CCT6B: variants seen among roughly 807,000 people sequenced by gnomAD.
CCT6B encodes chaperonin containing TCP1 subunit 6B, also known as probable T-complex protein 1 subunit zeta-2.
CCT6B carries 49 observed loss-of-function variants against 61.5 expected under a neutral mutation model. The ratio of observed to expected loss-of-function variants is 0.80; its 90% CI spans 0.63 to 1.01. CCT6B has a LOEUF of 1.01. CCT6B is among the 50% of genes least tolerant of loss of function. The pLI is 0.00. For synonymous variants in CCT6B, 228 were observed against 214.5 expected, an observed-to-expected ratio of 1.06 and a Z score of -0.55; for missense variants, 666 against 634.7, an observed-to-expected ratio of 1.05 and a Z score of -0.53.
At chr17:34,958,788 A>T (rs549850645) in intron 2 of CCT6B, 94 bp from the exon 3 acceptor site, 7 of 848,926 alleles carry the variant, frequency 8.2e-6, no homozygotes, top group African/African-American at 1.7e-5. Context: ...TAGCAAAATT[A>T]AAAAATGAAA....
chr17:34,935,577 T>G (rs2090084640), intron 10 of CCT6B, among the ~76,000 whole-genome samples: 1 of 152,116 alleles, frequency 6.6e-6, no homozygotes, highest in Non-Finnish European at 1.5e-5. Flanking sequence ...AAACGAGGGC[T>G]GGGTGCAGTG....
In CCT6B at chr17:34,952,064, A is replaced by C; in HGVS notation, c.511-11T>G. On this transcript the variant is annotated splice_polypyrimidine_tract_variant and intron_variant, in intron 4 of 13. Coordinates refer to ENST00000314144, the MANE Select transcript of CCT6B (RefSeq NM_006584.4). ...AGAATCCACCACAACCTGAAAGAGA[A>C]ATGAATGAGAACAGTTAAGTTATTT... is the stretch of plus-strand genomic sequence containing the variant. 2 of 1,500,224 alleles carry C rather than the reference A, an allele frequency of 1.3e-6. No homozygotes were observed. Among genetic ancestry groups the C allele is most frequent in the Non-Finnish European group, 1.9e-6 (2 of 1,078,164 alleles). 92.9% of individuals were successfully genotyped at this position (1,500,224 alleles called of 1,614,324 possible). A position where few individuals can be genotyped will look rare whatever the true frequency, so the allele number is the denominator to read the frequency against.
At chr17:34,959,680 T>C (rs370116952) in intron 1 of CCT6B, 30 bp from the exon 2 acceptor site, 36 of 1,530,562 alleles carry the variant, frequency 2.4e-5, no homozygotes, top group African/African-American at 1.1e-4. Flanking sequence ...ATTAACTTCA[T>C]GTGGTAGGAA....
chr17:34,959,558 G>A (rs2090387950), intron 2 of CCT6B, 29 bp downstream of exon 2: 6 of 1,555,268 alleles, frequency 3.9e-6, no homozygotes, highest in Non-Finnish European at 5.3e-6. Flanking sequence ...GCTTATTAAG[G>A]TTTATTAAAG....
chr17:34,956,117 T>C lies in CCT6B; in HGVS notation c.337-1518A>G, dbSNP rs561038296. Among the ~76,000 whole-genome samples, 5 of 152,310 alleles carry C rather than the reference T, an allele frequency of 3.3e-5. No homozygotes were observed. In the East Asian group the frequency reaches 9.6e-4, roughly 29 times the overall value. On this transcript the variant is annotated intron_variant, in intron 3 of 13. Transcript: ENST00000314144. ...ATGTTTGGTCTGTAATACCACTGGA[T>C]GAAATCTAAGCTTCTTGGTTAGCAT...
intron 5 of CCT6B, among the ~76,000 whole-genome samples, chr17:34,946,824 T>C (rs1255681880): frequency 6.6e-6 from 1 of 152,218 alleles, no homozygotes; most frequent in Non-Finnish European, 1.5e-5. Flanking sequence ...TTATGATTCC[T>C]TATACAAGTA....
rs1342991405 is a variant in CCT6B, at chr17:34,942,771, G to T, written c.725+25C>A. The T allele has an allele frequency of 2.6e-6, 4 of 1,547,086 alleles. No homozygotes were observed. In the East Asian group the frequency reaches 9.0e-5, roughly 35 times the overall value. Reference sequence around the variant, plus strand: ...CACCTTTAGAAAAAAAAATTCAAAAGTTATAAAGAGAAAGTAACACGCACG... The same window carrying T: ...CACCTTTAGAAAAAAAAATTCAAAATTTATAAAGAGAAAGTAACACGCACG... On this transcript the variant is annotated intron_variant, in intron 6 of 13. Transcript: ENST00000314144.
At chr17:34,959,529 T>C (rs2090387400) in intron 2 of CCT6B, 58 bp downstream of exon 2, 1 of 1,206,216 alleles carries the variant, frequency 8.3e-7, no homozygotes, top group Non-Finnish European at 1.2e-6. Context: ...ACACAAGTTC[T>C]ACTATGCTTC....
At position 34,929,604 on chromosome 17, in the gene CCT6B, C is replaced by T. The variant is rs2090012548; in HGVS notation, c.1451-570G>A. On this transcript the variant is annotated intron_variant, in intron 12 of 13. Transcript: ENST00000314144. Reference sequence around the variant, plus strand: ...TCTCGGCTCCCTGCAACCTCCACCTCCTGGGTTCAAGCAATTCTCCTGACT... The same window carrying T: ...TCTCGGCTCCCTGCAACCTCCACCTTCTGGGTTCAAGCAATTCTCCTGACT... Among the ~76,000 whole-genome samples the T allele has an allele frequency of 2.0e-5, 3 of 151,140 alleles. No homozygotes were observed. In the South Asian group the frequency reaches 6.3e-4, roughly 32 times the overall value.
intron 5 of CCT6B, among the ~76,000 whole-genome samples, chr17:34,948,108 T>C (rs2090246001): frequency 1.3e-5 from 2 of 152,108 alleles, no homozygotes; most frequent in Non-Finnish European, 2.9e-5. Flanking sequence ...ATGACTAAGT[T>C]CTTTAGTGGT....
intron 10 of CCT6B, among the ~76,000 whole-genome samples, chr17:34,937,291 T>A (rs892221982): frequency 1.5e-4 from 22 of 147,858 alleles, no homozygotes; most frequent in Middle Eastern, 3.6e-3. Context: ...AAAAAAAAAA[T>A]GAGAGTTAAC....
intron 10 of CCT6B, among the ~76,000 whole-genome samples, chr17:34,935,802 A>G (rs527828715): frequency 1.1e-4 from 17 of 152,022 alleles, no homozygotes; most frequent in South Asian, 8.3e-4. Context: ...GGTTGCAGTG[A>G]GCCAGGATTG....
chr17:34,951,652 T>C (rs1230304057), intron 5 of CCT6B, among the ~76,000 whole-genome samples: 2 of 152,084 alleles, frequency 1.3e-5, no homozygotes, highest in East Asian at 1.9e-4. Flanking sequence ...GATGTGCACA[T>C]GGCTAGCTCC....
intron 11 of CCT6B, among the ~76,000 whole-genome samples, chr17:34,931,766 T>C (rs1236771467): frequency 6.6e-6 from 1 of 152,246 alleles, no homozygotes; most frequent in Non-Finnish European, 1.5e-5. Flanking sequence ...TTAATAATGT[T>C]TTAATTCATG....
intron 4 of CCT6B, 26 bp downstream of exon 4, chr17:34,954,400 C>G (rs746995885): frequency 6.4e-7 from 1 of 1,564,242 alleles, no homozygotes; most frequent in Admixed American, 2.0e-5. Flanking sequence ...TATATTTGTT[C>G]TGAATGCAAA....
intron 5 of CCT6B, chr17:34,949,721 A>G (rs1267142567): frequency 6.6e-6 from 1 of 152,230 alleles, no homozygotes; most frequent in African/African-American, 2.4e-5. Flanking sequence ...AAAACTATGC[A>G]TCTAAAAAGA....
intron 5 of CCT6B, chr17:34,944,220 T>C (rs1250849497): frequency 1.3e-5 from 2 of 152,124 alleles, no homozygotes; most frequent in African/African-American, 2.4e-5. Flanking sequence ...TTTGAGAAAA[T>C]AGAAACATTG....
intron 10 of CCT6B, among the ~76,000 whole-genome samples, chr17:34,933,279 C>A (rs891901319): frequency 1.3e-5 from 2 of 152,140 alleles, no homozygotes; most frequent in African/African-American, 4.8e-5. Context: ...TGGTATTATT[C>A]TAAAGCAAGA....
At chr17:34,955,221 A>G (rs2090334819) in intron 3 of CCT6B, among the ~76,000 whole-genome samples, 1 of 152,242 alleles carries the variant, frequency 6.6e-6, no homozygotes, top group African/African-American at 2.4e-5. Context: ...CTAAAGGAAC[A>G]CGACAACTGA....
Sources: allele counts gnomAD v4.1 joint callset (sites outside exome capture counted in the v4.1 genomes callset), GRCh38; gene constraint gnomAD v4.1.1; transcripts MANE v1.5; gene names NCBI Gene and HGNC (gene_info 2026-07-23, HGNC 2026-07-21).